The following SIL1 variants were observed in gnomAD, a reference collection of about 807,000 sequenced individuals.
The protein encoded by SIL1 is SIL1 nucleotide exchange factor.
Under a neutral mutation model 49.1 loss-of-function variants are expected in SIL1, and 40 were observed. That is an observed-to-expected ratio of 0.81 (90% confidence interval 0.63 to 1.06). SIL1 has a LOEUF of 1.06. Ranked by LOEUF, SIL1 falls within the 50% of genes least tolerant of loss-of-function variation. The probability of loss-of-function intolerance (pLI) is 0.00; values close to 1 mark genes in which losing one functional copy is unlikely to be tolerated. For missense variants in SIL1, 500 were observed against 572.6 expected (o/e 0.87, Z 1.29); for synonymous variants, 253 against 250.8 (o/e 1.01, Z -0.08).
At chr5:138,970,974 A>AC (rs562970596) in intron 7 of SIL1, among the ~76,000 whole-genome samples, 17 of 151,984 alleles carry the variant, frequency 1.1e-4, no homozygotes, top group Non-Finnish European at 2.2e-4. Flanking sequence ...TGACACACAC[A>AC]CCCCTGGACC....
chr5:139,035,183 T>C, intron 5 of SIL1: 1 of 387,636 alleles, frequency 2.6e-6, no homozygotes, highest in Non-Finnish European at 5.0e-6. Flanking sequence ...CCACTGTTGA[T>C]GTCATCTATG....
intron 1 of SIL1, among the ~76,000 whole-genome samples, chr5:139,170,345 G>A (rs1378225184): frequency 1.3e-5 from 2 of 151,102 alleles, no homozygotes; most frequent in Admixed American, 1.3e-4. Flanking sequence ...GGGACGTGAG[G>A]AGCCCCTCTG....
chr5:138,991,422 T>C (rs1447252990), intron 7 of SIL1, among the ~76,000 whole-genome samples: 1 of 152,236 alleles, frequency 6.6e-6, no homozygotes, highest in South Asian at 2.1e-4. Context: ...TTATGGATTG[T>C]CCAATACAAG....
At chr5:139,035,540 CA>C (rs1768885248) in intron 5 of SIL1, 1 of 511,304 alleles carries the variant, frequency 2.0e-6, no homozygotes, top group East Asian at 5.0e-5. Context: ...GAGACAGACC[CA>C]GGGGGCCAAT....
Position 139,137,346 on chromosome 5 carries a change from G to C in SIL1, c.-10-9493C>G, listed in dbSNP as rs768615999. On this transcript the variant is annotated intron_variant, in intron 1 of 9. Coordinates refer to ENST00000394817, the MANE Select transcript of SIL1 (RefSeq NM_022464.5). The stretch of plus-strand genomic sequence containing the variant: ...TAAGTAACGTGCCAGAGTTCATGCA[G>C]CCACAGAGCAGTAGAGTCAGAATTC... 26 of 700,812 alleles carry C rather than the reference G, an allele frequency of 3.7e-5. 1 individual carries two copies. The highest frequency in any genetic ancestry group is 3.6e-4 in the South Asian group (24 of 67,474). The allele number at this position is 700,812 out of a possible 1,614,324, so 43.4% of individuals were successfully genotyped here. A position where few individuals can be genotyped will look rare whatever the true frequency, so the allele number is the denominator to read the frequency against.
chr5:139,099,383 C>T (rs760622976), intron 3 of SIL1, among the ~76,000 whole-genome samples: 5 of 152,202 alleles, frequency 3.3e-5, no homozygotes, highest in South Asian at 2.1e-4. Flanking sequence ...CCTCAAAAAA[C>T]TAAAAATAGA....
intron 7 of SIL1, among the ~76,000 whole-genome samples, chr5:138,970,840 T>C (rs1384048724): frequency 6.6e-6 from 1 of 151,682 alleles, no homozygotes; most frequent in African/African-American, 2.4e-5. Context: ...AGGGGGAGGT[T>C]GCAGTGGGCC....
intron 1 of SIL1, chr5:139,137,252 G>C: frequency 2.9e-6 from 2 of 693,922 alleles, no homozygotes; most frequent in East Asian, 5.4e-5. Context: ...TACTCTTCAC[G>C]ACAACCCTCT....
At chr5:138,979,047 G>C (rs1767453889) in intron 7 of SIL1, among the ~76,000 whole-genome samples, 1 of 151,724 alleles carries the variant, frequency 6.6e-6, no homozygotes, top group Non-Finnish European at 1.5e-5. Context: ...AAGCACAAGA[G>C]TATTTAATTT....
chr5:139,096,223 C>A (rs989946647), intron 3 of SIL1, among the ~76,000 whole-genome samples: 1 of 152,252 alleles, frequency 6.6e-6, no homozygotes, highest in South Asian at 2.1e-4. Flanking sequence ...TGACGCCCAC[C>A]CATGGAGGGA....
At chr5:139,172,657 A>T (rs1229805787) in intron 1 of SIL1, among the ~76,000 whole-genome samples, 1 of 152,038 alleles carries the variant, frequency 6.6e-6, no homozygotes, top group Non-Finnish European at 1.5e-5. Context: ...AGACAGACAA[A>T]GACAAAATCT....
At chr5:138,988,403 A>G (rs1032559556) in intron 7 of SIL1, among the ~76,000 whole-genome samples, 1 of 152,226 alleles carries the variant, frequency 6.6e-6, no homozygotes, top group African/African-American at 2.4e-5. Context: ...ACTTAACATC[A>G]AAGATGTTTT....
Position 138,974,184 on chromosome 5 carries a change from C to T in SIL1, c.768-22300G>A, listed in dbSNP as rs564826305. On this transcript the variant is annotated intron_variant, in intron 7 of 9. Transcript: ENST00000394817. ...AGAGCTCCTCAGGAAAGCGTGAACTCGGCTGCAACGGGGTCTCTCTCTACA... is the reference window on the plus strand; with the variant it reads ...AGAGCTCCTCAGGAAAGCGTGAACTTGGCTGCAACGGGGTCTCTCTCTACA... Among the ~76,000 whole-genome samples the T allele has an allele frequency of 2.9e-4, 44 of 152,302 alleles. 1 individual carries two copies. The highest frequency in any genetic ancestry group is 7.4e-5 in the Non-Finnish European group (5 of 68,022).
chr5:139,161,198 G>A (rs1198198544), intron 1 of SIL1, among the ~76,000 whole-genome samples: 1 of 151,642 alleles, frequency 6.6e-6, no homozygotes, highest in Non-Finnish European at 1.5e-5. Flanking sequence ...AACTGAGATC[G>A]CGCCATTGCA....
At chr5:139,079,130 C>T (rs1048139985) in intron 3 of SIL1, among the ~76,000 whole-genome samples, 2 of 152,100 alleles carry the variant, frequency 1.3e-5, no homozygotes, top group Non-Finnish European at 2.9e-5. Flanking sequence ...ATAGTGCATC[C>T]CTGGAATATT....
chr5:139,019,216 G>A (rs1212320157), intron 7 of SIL1, among the ~76,000 whole-genome samples: 1 of 152,198 alleles, frequency 6.6e-6, no homozygotes, highest in Non-Finnish European at 1.5e-5. Context: ...CTGTATACTA[G>A]AAGCGGTTAC....
chr5:139,006,940 C>T (rs1282746500), intron 7 of SIL1, among the ~76,000 whole-genome samples: 13 of 148,598 alleles, frequency 8.7e-5, no homozygotes, highest in Middle Eastern at 3.4e-3. Flanking sequence ...CTTGGTGATG[C>T]AGGCTCTTTT....
At chr5:139,048,443 T>C (rs1410211994) in intron 4 of SIL1, among the ~76,000 whole-genome samples, 3 of 149,214 alleles carry the variant, frequency 2.0e-5, no homozygotes, top group African/African-American at 7.5e-5. Context: ...TGGTACGATC[T>C]TGACTCACTG....
chr5:139,030,977 G>A (rs937534877), intron 5 of SIL1, among the ~76,000 whole-genome samples: 1 of 152,076 alleles, frequency 6.6e-6, no homozygotes, highest in African/African-American at 2.4e-5. Context: ...AGATTGTTTT[G>A]CATAGTTTCA....
Sources: allele counts gnomAD v4.1 joint callset (sites outside exome capture counted in the v4.1 genomes callset), GRCh38; gene constraint gnomAD v4.1.1; transcripts MANE v1.5; gene names NCBI Gene and HGNC (gene_info 2026-07-23, HGNC 2026-07-21).